The following SH3BP5 variants were observed in gnomAD, a reference collection of about 807,000 sequenced individuals.
SH3BP5 encodes the protein SH3 domain-binding protein 5.
Under a neutral mutation model 43.3 loss-of-function variants are expected in SH3BP5, and 22 were observed. That is an observed-to-expected ratio of 0.51 (90% CI 0.36 to 0.73). The LOEUF (loss-of-function observed/expected upper bound fraction) is 0.73. Ranked by LOEUF, SH3BP5 falls within the 30% of genes least tolerant of loss-of-function variation. SH3BP5 has a pLI of 0.00. For missense variants in SH3BP5, 529 were observed against 586.9 expected (o/e 0.90, Z 1.02); for synonymous variants, 255 against 225.8 (o/e 1.13, Z -1.16).
At chr3:15,332,164 C>T in intron 1 of SH3BP5, 107 bp downstream of exon 1, 1 of 1,508,146 alleles carries the variant, frequency 6.6e-7, no homozygotes, top group Non-Finnish European at 8.9e-7. Flanking sequence ...GGCCGCCAGT[C>T]CCCGGACCAC....
chr3:15,305,153 T>C (rs1444825839), intron 2 of SH3BP5, among the ~76,000 whole-genome samples: 6 of 152,168 alleles, frequency 3.9e-5, no homozygotes, highest in Non-Finnish European at 5.9e-5. Flanking sequence ...ATTTAAAATT[T>C]TTTAATTAAC....
intron 3 of SH3BP5, among the ~76,000 whole-genome samples, chr3:15,284,172 C>T (rs116528209): frequency 6.6e-6 from 1 of 152,194 alleles, no homozygotes; most frequent in African/African-American, 2.4e-5. Flanking sequence ...CTGAAGCTTA[C>T]AAGACTGACT....
intron 3 of SH3BP5, among the ~76,000 whole-genome samples, chr3:15,300,067 CATA>C (rs1198858598): frequency 6.6e-6 from 1 of 152,036 alleles, no homozygotes; most frequent in Non-Finnish European, 1.5e-5. Context: ...CCTTCTCTCA[CATA>C]ATAATAATGT....
At chr3:15,340,505 A>T (rs1035791910) in intron 1 of SH3BP5, among the ~76,000 whole-genome samples, 2 of 152,096 alleles carry the variant, frequency 1.3e-5, no homozygotes, top group African/African-American at 4.8e-5. Context: ...GGTGGCTCAC[A>T]CCTGTAATCC....
In SH3BP5 at chr3:15,308,102, C is replaced by T. The variant is rs151031320; in HGVS notation, c.202-3871G>A. On this transcript the variant is annotated intron_variant, in intron 2 of 8. Coordinates refer to ENST00000383791, the MANE Select transcript of SH3BP5 (RefSeq NM_004844.5). ...GGCAGGGGTTACCCTCCTCTCCAGTCCCTATCACTCTGGTGTCTGAATCAC... is the reference window on the plus strand; with the variant it reads ...GGCAGGGGTTACCCTCCTCTCCAGTTCCTATCACTCTGGTGTCTGAATCAC... 1.8e-3 allele frequency among the ~76,000 whole-genome samples: 280 copies of T among 152,306 alleles called. 3 individuals carry two copies. In the South Asian group the frequency reaches 0.019, roughly 10 times the overall value.
chr3:15,274,251 AAAAAAAAG>A (rs1355765617), intron 3 of SH3BP5, among the ~76,000 whole-genome samples: 4 of 150,528 alleles, frequency 2.7e-5, no homozygotes, highest in African/African-American at 1.0e-4. Context: ...AGCTCAACAA[AAAAAAAAG>A]AAAGAAAGAA....
At chr3:15,276,962 T>C (rs1003394541) in intron 3 of SH3BP5, among the ~76,000 whole-genome samples, 1 of 152,162 alleles carries the variant, frequency 6.6e-6, no homozygotes, top group Admixed American at 6.5e-5. Context: ...ATTTTTTTTT[T>C]TTCTTGAGAT....
intron 3 of SH3BP5, among the ~76,000 whole-genome samples, chr3:15,296,876 A>G (rs1697590968): frequency 6.7e-6 from 1 of 149,770 alleles, no homozygotes; most frequent in Admixed American, 6.6e-5. Context: ...AAAAAAAAAA[A>G]AAAAGAAATG....
Position 15,290,775 on chromosome 3 carries a change from A to G in SH3BP5, c.330+13328T>C, listed in dbSNP as rs71308143. Among the ~76,000 whole-genome samples, 431 of 152,260 alleles carry G rather than the reference A, an allele frequency of 2.8e-3. 7 individuals are homozygous for G. Among genetic ancestry groups the G allele is most frequent in the African/African-American group, 9.1e-3 (377 of 41,552 alleles). On this transcript the variant is annotated intron_variant, in intron 3 of 8. Coordinates refer to ENST00000383791, the MANE Select transcript of SH3BP5 (RefSeq NM_004844.5). ...CCTAACCAGAGCCCATCATTGCCTT[A>G]ACTGAAGCAAACAGGTGCTCCATCC...
At position 15,299,555 on chromosome 3, in the gene SH3BP5, G is replaced by C. The variant is rs1308704161; in HGVS notation, c.330+4548C>G. 2.2e-5 allele frequency among the ~76,000 whole-genome samples: 3 copies of C among 136,676 alleles called. No individual in the cohort carries two copies. In the East Asian group the frequency reaches 7.3e-4, roughly 33 times the overall value. The allele number at this position is 136,676 out of a possible 152,430, so 89.7% of individuals were successfully genotyped here. A position where few individuals can be genotyped will look rare whatever the true frequency, so the allele number is the denominator to read the frequency against. On this transcript the variant is annotated intron_variant, in intron 3 of 8. Transcript: ENST00000383791. Reference sequence around the variant, plus strand: ...GTCACCCAGGCTGGAATACAAGAGAGACATCATGGCTCACTGCAGCCTTGA... The same window carrying C: ...GTCACCCAGGCTGGAATACAAGAGACACATCATGGCTCACTGCAGCCTTGA...
At chr3:15,328,879 T>C (rs1698530762) in intron 2 of SH3BP5, among the ~76,000 whole-genome samples, 1 of 152,226 alleles carries the variant, frequency 6.6e-6, no homozygotes, top group Non-Finnish European at 1.5e-5. Context: ...CATTCTATGA[T>C]GACAGCAGTT....
intron 8 of SH3BP5, 54 bp from the exon 9 acceptor site, chr3:15,256,357 C>T: frequency 6.5e-7 from 1 of 1,537,338 alleles, no homozygotes; most frequent in Non-Finnish European, 8.9e-7. Flanking sequence ...TGCCCTGTCT[C>T]CTATAGAAAT....
chr3:15,286,600 TGCAGTG>T (rs1458215655), intron 3 of SH3BP5, among the ~76,000 whole-genome samples: 1 of 152,342 alleles, frequency 6.6e-6, no homozygotes, highest in Non-Finnish European at 1.5e-5. Context: ...CAGGCTACAG[TGCAGTG>T]GCAGTGGCAC....
At chr3:15,277,814 C>CA (rs1319981850) in intron 3 of SH3BP5, among the ~76,000 whole-genome samples, 4 of 151,916 alleles carry the variant, frequency 2.6e-5, no homozygotes, top group Non-Finnish European at 4.4e-5. Context: ...ATGCATACAC[C>CA]CCCCCAGCAC....
chr3:15,257,280 CTAAAGCAGCTGGAAGG>C (rs942272771), intron 7 of SH3BP5, 167 bp from the exon 8 acceptor site: 33 of 655,472 alleles, frequency 5.0e-5, no homozygotes, highest in East Asian at 2.5e-4. Context: ...TGACCAGCCT[CTAAAGCAGCTGGAAGG>C]GAAGCAGCTG....
At chr3:15,288,219 C>G (rs77706784) in intron 3 of SH3BP5, among the ~76,000 whole-genome samples, 2,745 of 152,304 alleles carry the variant, frequency 0.018, 88 homozygotes, top group African/African-American at 0.063. Flanking sequence ...GGGCAATCGG[C>G]TTTACTCTAA....
upstream of SH3BP5, among the ~76,000 whole-genome samples, chr3:15,335,133 A>G (rs181721164): frequency 2.8e-4 from 43 of 151,916 alleles, no homozygotes; most frequent in East Asian, 7.8e-3. Context: ...GGTGGCTCAC[A>G]TCTGTAATCC....
At chr3:15,304,945 C>A in intron 2 of SH3BP5, among the ~76,000 whole-genome samples, 1 of 151,558 alleles carries the variant, frequency 6.6e-6, no homozygotes, top group East Asian at 1.9e-4. Flanking sequence ...GAAATTAAGC[C>A]CGTCTCTACT....
chr3:15,298,764 ATAGAAAACAGAAGTGATGG>A (rs1216273544), intron 3 of SH3BP5, among the ~76,000 whole-genome samples: 1 of 152,202 alleles, frequency 6.6e-6, no homozygotes, highest in Non-Finnish European at 1.5e-5. Context: ...ATTCATAGAA[ATAGAAAACAGAAGTGATGG>A]TTGCCTGAGC....
Sources: allele counts gnomAD v4.1 joint callset (sites outside exome capture counted in the v4.1 genomes callset), GRCh38; gene constraint gnomAD v4.1.1; transcripts MANE v1.5; gene names NCBI Gene and HGNC (gene_info 2026-07-23, HGNC 2026-07-21).